Variants in PTK2 observed in about 807,000 individuals in gnomAD.
The protein encoded by PTK2 is focal adhesion kinase 1.
A neutral mutation model predicts 150.1 loss-of-function variants in PTK2; 45 were observed. That is an observed-to-expected ratio of 0.30 (90% confidence interval 0.24 to 0.38). The LOEUF (loss-of-function observed/expected upper bound fraction) is 0.38, where lower values mean the gene tolerates loss of function less well. PTK2 is among the 10% of genes least tolerant of loss of function. The pLI, the probability that PTK2 is intolerant of heterozygous loss-of-function variation, is 1.00. For missense variants in PTK2, 919 were observed against 1,307.3 expected (o/e 0.70, Z 4.58); for synonymous variants, 432 against 449.2 (o/e 0.96, Z 0.48).
intron 2 of PTK2, among the ~76,000 whole-genome samples, chr8:140,923,153 A>G (rs923426014): frequency 2.0e-5 from 3 of 152,180 alleles, no homozygotes; most frequent in African/African-American, 7.2e-5. Flanking sequence ...CAAGATCTTG[A>G]GAGTATAGGA....
intron 29 of PTK2, among the ~76,000 whole-genome samples, chr8:140,671,568 C>T (rs1179810160): frequency 1.3e-5 from 2 of 151,948 alleles, no homozygotes; most frequent in Non-Finnish European, 2.9e-5. Flanking sequence ...GATTCAATGA[C>T]CTCTACCAAG....
At chr8:140,801,970 T>TA (rs568125021) in intron 11 of PTK2, among the ~76,000 whole-genome samples, 104 of 152,240 alleles carry the variant, frequency 6.8e-4, no homozygotes, top group African/African-American at 2.4e-3. Flanking sequence ...CTGCCAGTCT[T>TA]ATAAAAGTAT....
chr8:140,912,736 G>A lies in PTK2; in HGVS notation c.-33+12925C>T, dbSNP rs1051198043. ...AACACTTTGGGAGGCCGAGGCGGGC[G>A]GATCACAACATCAGGAGTTCGAGAC... is the stretch of plus-strand genomic sequence containing the variant. On this transcript the variant is annotated intron_variant, in intron 2 of 31. Transcript: ENST00000522684. 4.6e-5 allele frequency among the ~76,000 whole-genome samples: 7 copies of A among 151,964 alleles called. No homozygotes were observed. In the East Asian group the frequency reaches 5.8e-4, roughly 13 times the overall value.
intron 2 of PTK2, among the ~76,000 whole-genome samples, chr8:140,908,082 G>C (rs11167007): frequency 0.42 from 63,422 of 152,086 alleles, 15,156 homozygotes; most frequent in Non-Finnish European, 0.55. Flanking sequence ...AGTTGTGAAT[G>C]CAAAGGAAAA....
chr8:140,666,995 CTGAGTGAAATA>C (rs1308078250), intron 30 of PTK2, among the ~76,000 whole-genome samples: 1 of 152,158 alleles, frequency 6.6e-6, no homozygotes, highest in Admixed American at 6.5e-5. Context: ...AGATACTATG[CTGAGTGAAATA>C]AATCCATCAC....
intron 10 of PTK2, among the ~76,000 whole-genome samples, chr8:140,810,915 C>T (rs1245089299): frequency 6.6e-6 from 1 of 152,180 alleles, no homozygotes; most frequent in Non-Finnish European, 1.5e-5. Flanking sequence ...CCTGTGCTAC[C>T]ACCACCACCA....
intron 22 of PTK2, among the ~76,000 whole-genome samples, chr8:140,719,524 C>T (rs950962789): frequency 2.0e-5 from 3 of 152,110 alleles, no homozygotes; most frequent in Admixed American, 2.0e-4. Flanking sequence ...CAGAAGAGCG[C>T]TCCCCTCCGC....
At chr8:140,967,613 A>G (rs1006425563) in intron 1 of PTK2, among the ~76,000 whole-genome samples, 5 of 151,960 alleles carry the variant, frequency 3.3e-5, no homozygotes, top group African/African-American at 1.2e-4. Flanking sequence ...GAGGCCTGCC[A>G]CCACGCCCAG....
intron 30 of PTK2, among the ~76,000 whole-genome samples, chr8:140,666,921 G>T (rs1191077791): frequency 6.6e-6 from 1 of 152,198 alleles, no homozygotes; most frequent in African/African-American, 2.4e-5. Context: ...ACATACAGTG[G>T]AATATCACTC....
At chr8:140,861,209 C>T (rs769224496) in intron 5 of PTK2, among the ~76,000 whole-genome samples, 1 of 152,006 alleles carries the variant, frequency 6.6e-6, no homozygotes, top group Non-Finnish European at 1.5e-5. Context: ...ATTAGCGAGG[C>T]ATCATGGCAC....
At chr8:140,707,045 T>C (rs558000069) in intron 23 of PTK2, among the ~76,000 whole-genome samples, 5 of 152,190 alleles carry the variant, frequency 3.3e-5, no homozygotes, top group Non-Finnish European at 7.3e-5. Context: ...TACTGACACA[T>C]GCTACAACAT....
In PTK2 at chr8:140,717,722, C is replaced by T. The variant is rs1432436635; in HGVS notation, c.2031-13G>A. ...CTCCAGGATTGTGCTAGAGAGACAA[C>T]ACATTGTCTTAGGGGAGCTGACAAC... On this transcript the variant is annotated splice_polypyrimidine_tract_variant and intron_variant, in intron 22 of 31. Coordinates refer to ENST00000522684, the Ensembl canonical transcript of PTK2. 10 of 1,604,468 alleles carry T rather than the reference C, an allele frequency of 6.2e-6. No individual in the cohort carries two copies. Among genetic ancestry groups the T allele is most frequent in the African/African-American group, 2.7e-5 (2 of 74,718 alleles).
At chr8:140,922,714 CT>C (rs2100167987) in intron 2 of PTK2, among the ~76,000 whole-genome samples, 1 of 152,200 alleles carries the variant, frequency 6.6e-6, no homozygotes, top group Admixed American at 6.5e-5. Context: ...ATTTTCACAT[CT>C]TTTAAACAAA....
At chr8:140,933,241 C>T (rs944412966) in intron 1 of PTK2, among the ~76,000 whole-genome samples, 2 of 149,718 alleles carry the variant, frequency 1.3e-5, no homozygotes, top group African/African-American at 2.4e-5. Flanking sequence ...GATGCAACAG[C>T]TGGCAATAGA....
At chr8:140,779,561 G>C (rs2100080493) in intron 14 of PTK2, among the ~76,000 whole-genome samples, 1 of 152,144 alleles carries the variant, frequency 6.6e-6, no homozygotes, top group Admixed American at 6.5e-5. Context: ...GTGCCCTCCA[G>C]AGTTTTAGTT....
chr8:140,738,120 C>A (rs952625465), intron 21 of PTK2, among the ~76,000 whole-genome samples: 1 of 152,036 alleles, frequency 6.6e-6, no homozygotes, highest in African/African-American at 2.4e-5. Flanking sequence ...TCTAATGTAG[C>A]AGAGATAACA....
chr8:140,812,146 G>A lies in PTK2; in HGVS notation c.867+6131C>T, dbSNP rs531990773. On this transcript the variant is annotated intron_variant, in intron 10 of 31. Coordinates refer to ENST00000522684, the Ensembl canonical transcript of PTK2. The stretch of plus-strand genomic sequence containing the variant: ...TGGAAATGAAAGAAAAAATGTTAAA[G>A]GAAACTAGAAGGGCCAGGTCACCTG... 9.2e-4 allele frequency among the ~76,000 whole-genome samples: 140 copies of A among 152,244 alleles called. 1 individual carries two copies. The highest frequency in any genetic ancestry group is 1.5e-3 in the Non-Finnish European group (102 of 68,000).
intron 3 of PTK2, among the ~76,000 whole-genome samples, chr8:140,881,680 A>T (rs1256718564): frequency 6.6e-6 from 1 of 152,150 alleles, no homozygotes; most frequent in African/African-American, 2.4e-5. Flanking sequence ...CATTTCTCAT[A>T]ATTGTCACCA....
chr8:141,000,568 G>A (rs2100199761), intron 1 of PTK2, among the ~76,000 whole-genome samples: 1 of 152,096 alleles, frequency 6.6e-6, no homozygotes, highest in South Asian at 2.1e-4. Context: ...AGGCCGGCCC[G>A]TCCTCCCCGC....
Sources: gnomAD v4.1 joint callset for allele counts (sites outside exome capture counted in the v4.1 genomes callset) on GRCh38, gnomAD v4.1.1 for gene constraint, MANE v1.5 for transcripts, NCBI Gene and HGNC (gene_info 2026-07-23, HGNC 2026-07-21) for gene names.